The following ELAVL2 variants were observed in gnomAD, a reference collection of about 807,000 sequenced individuals.
The protein encoded by ELAVL2 is ELAV-like protein 2.
A neutral mutation model predicts 34.6 loss-of-function variants in ELAVL2; 4 were observed. The observed-to-expected ratio is 0.12, with a 90% CI of 0.06 to 0.26. ELAVL2 has a LOEUF of 0.26. ELAVL2 is among the 10% of genes least tolerant of loss of function. The pLI is 1.00. For missense variants in ELAVL2, 432 were observed against 442.8 expected (o/e 0.98, Z 0.22); for synonymous variants, 193 against 154.8 (o/e 1.25, Z -1.83).
At chr9:23,820,911 T>C (rs1332706019) in intron 1 of ELAVL2, among the ~76,000 whole-genome samples, 1 of 152,046 alleles carries the variant, frequency 6.6e-6, no homozygotes, top group Non-Finnish European at 1.5e-5. Context: ...AGCTGCGACC[T>C]CGCGCGGCTG....
At chr9:23,777,511 C>T (rs922838404) in intron 1 of ELAVL2, among the ~76,000 whole-genome samples, 1 of 152,168 alleles carries the variant, frequency 6.6e-6, no homozygotes, top group African/African-American at 2.4e-5. Context: ...TACATCCATC[C>T]TTTGTCAGGC....
chr9:23,701,917 C>T (rs928151274), intron 4 of ELAVL2, among the ~76,000 whole-genome samples: 4 of 152,106 alleles, frequency 2.6e-5, no homozygotes, highest in African/African-American at 9.7e-5. Context: ...ACCTCCCTCC[C>T]GTACACTCTT....
chr9:23,825,182 A>G (rs2065221069), intron 1 of ELAVL2, among the ~76,000 whole-genome samples: 1 of 152,162 alleles, frequency 6.6e-6, no homozygotes, highest in African/African-American at 2.4e-5. Flanking sequence ...GCCCGCATAC[A>G]ATGATGAGTT....
the ELAVL2 span, among the ~76,000 whole-genome samples, chr9:23,842,209 T>C: frequency 5.3e-5 from 8 of 152,100 alleles, no homozygotes; most frequent in African/African-American, 1.9e-4. Context: ...CAGCAGAGAA[T>C]TGCATTCTCA....
chr9:23,758,500 T>C (rs1484722656), intron 2 of ELAVL2, among the ~76,000 whole-genome samples: 1 of 152,122 alleles, frequency 6.6e-6, no homozygotes, highest in African/African-American at 2.4e-5. Flanking sequence ...CAAACCAAGA[T>C]TACCAGAAGT....
At chr9:23,774,255 G>GAAAA (rs2057844415) in intron 1 of ELAVL2, among the ~76,000 whole-genome samples, 1 of 132,300 alleles carries the variant, frequency 7.6e-6, no homozygotes, top group African/African-American at 2.8e-5. Flanking sequence ...AAGAAAGAAA[G>GAAAA]AAAATTTGCT....
the ELAVL2 span, chr9:23,831,687 A>C: frequency 6.6e-6 from 1 of 152,228 alleles, no homozygotes; most frequent in African/African-American, 2.4e-5. Flanking sequence ...TGGGCTGTAA[A>C]TTAAGAAATT....
At chr9:23,702,655 T>C (rs1429297733) in intron 4 of ELAVL2, among the ~76,000 whole-genome samples, 1 of 152,050 alleles carries the variant, frequency 6.6e-6, no homozygotes, top group Non-Finnish European at 1.5e-5. Flanking sequence ...ACTAAGAATT[T>C]TCTAATGTAG....
At chr9:23,814,512 C>A (rs542064129) in intron 1 of ELAVL2, among the ~76,000 whole-genome samples, 1 of 152,258 alleles carries the variant, frequency 6.6e-6, no homozygotes, top group Non-Finnish European at 1.5e-5. Context: ...GTCAAAAGCA[C>A]TGATGACCTC....
In ELAVL2 at chr9:23,690,266, C is replaced by A. The variant is rs2032729182; in HGVS notation, c.*2291G>T. The A allele has an allele frequency of 6.6e-6, 1 of 152,554 alleles. No homozygotes were observed. Among genetic ancestry groups the A allele is most frequent in the Non-Finnish European group, 1.5e-5 (1 of 68,006 alleles). The allele number at this position is 152,554 out of a possible 1,614,324, so 9.5% of individuals were successfully genotyped here. A position where few individuals can be genotyped will look rare whatever the true frequency, so the allele number is the denominator to read the frequency against. ...CTGTACAACTTCAAATAAATACCAG[C>A]CTTACATTTTATTAAGTGCTCTGAT... On this transcript the variant is annotated 3_prime_UTR_variant, in exon 7 of 7. Coordinates refer to ENST00000397312, the MANE Select transcript of ELAVL2 (RefSeq NM_004432.5).
intron 2 of ELAVL2, among the ~76,000 whole-genome samples, chr9:23,759,753 A>ATT (rs1305506227): frequency 1.7e-3 from 87 of 50,040 alleles, no homozygotes; most frequent in East Asian, 6.2e-3. Context: ...CATATATAGT[A>ATT]TTATATATAT....
At chr9:23,791,806 C>A (rs576638615) in intron 1 of ELAVL2, among the ~76,000 whole-genome samples, 91 of 152,282 alleles carry the variant, frequency 6.0e-4, no homozygotes, top group African/African-American at 2.2e-3. Flanking sequence ...GGTCTTCCAG[C>A]CTCCAGAACC....
intron 1 of ELAVL2, among the ~76,000 whole-genome samples, chr9:23,804,016 G>T (rs1469533763): frequency 6.6e-6 from 1 of 152,144 alleles, no homozygotes; most frequent in Non-Finnish European, 1.5e-5. Context: ...TGTAGGAAAA[G>T]TGCAAATCTA....
chr9:23,822,605 C>T (rs1026631101), intron 1 of ELAVL2, among the ~76,000 whole-genome samples: 1 of 152,222 alleles, frequency 6.6e-6, no homozygotes. Context: ...GGCTGGAAGT[C>T]AAAACCCACC....
chr9:23,792,603 C>T (rs12685552), intron 1 of ELAVL2, among the ~76,000 whole-genome samples: 21,139 of 152,160 alleles, frequency 0.14, 1,913 homozygotes, highest in East Asian at 0.28. Flanking sequence ...TGCTCAAATA[C>T]CATCAATTGT....
chr9:23,774,448 T>C (rs2057874531), intron 1 of ELAVL2, among the ~76,000 whole-genome samples: 1 of 152,104 alleles, frequency 6.6e-6, no homozygotes, highest in Non-Finnish European at 1.5e-5. Context: ...CTGAAGCAGA[T>C]GCTATGTTAA....
chr9:23,823,839 TC>T (rs2065109785), intron 1 of ELAVL2, among the ~76,000 whole-genome samples: 1 of 152,238 alleles, frequency 6.6e-6, no homozygotes, highest in Non-Finnish European at 1.5e-5. Flanking sequence ...CTGTGTACTT[TC>T]TAAAAATTTT....
intron 6 of ELAVL2, 139 bp from the exon 7 acceptor site, chr9:23,693,023 T>C (rs991079706): frequency 1.1e-5 from 9 of 797,642 alleles, no homozygotes; most frequent in Non-Finnish European, 1.7e-5. Context: ...AACTATTTCA[T>C]GTTTTGACCA....
intron 1 of ELAVL2, among the ~76,000 whole-genome samples, chr9:23,795,293 C>T (rs1376679043): frequency 6.6e-6 from 1 of 152,098 alleles, no homozygotes; most frequent in Admixed American, 6.5e-5. Flanking sequence ...CCTGTAATCC[C>T]AGCACTTTGG....
Sources: allele counts gnomAD v4.1 joint callset (sites outside exome capture counted in the v4.1 genomes callset), GRCh38; gene constraint gnomAD v4.1.1; transcripts MANE v1.5; gene names NCBI Gene and HGNC (gene_info 2026-07-23, HGNC 2026-07-21).